IL12RB1: variants seen among roughly 807,000 people sequenced by gnomAD.
The protein encoded by IL12RB1 is interleukin 12 receptor subunit beta 1, also known as interleukin-12 receptor subunit beta-1.
Under a neutral mutation model 94.4 loss-of-function variants are expected in IL12RB1, and 64 were observed. That is an observed-to-expected ratio of 0.68 (90% CI 0.55 to 0.83). IL12RB1 has a LOEUF of 0.83. Among genes scored for constraint, IL12RB1 ranks in the 40% least tolerant of loss-of-function variants. The pLI is 0.00. For synonymous variants in IL12RB1, 362 were observed against 355.5 expected (o/e 1.02, Z -0.21); for missense variants, 814 against 855.6 (o/e 0.95, Z 0.61).
intron 7 of IL12RB1, among the ~76,000 whole-genome samples, chr19:18,075,088 C>A (rs1168892284): frequency 8.7e-5 from 13 of 150,264 alleles, no homozygotes; most frequent in Non-Finnish European, 1.8e-4. Flanking sequence ...AACAAACAAA[C>A]AAAAAAAACA....
rs531901903 is a variant in IL12RB1 at position 18,080,873 on chromosome 19, G to A, written c.368C>T (p.Thr123Ile). ...CAGGGTCACCTCAGGAGACTTCTCT[G>A]TCTGGTTCCTGGCCCAGGATTCCAC... The part of the protein sequence containing the change: ...LWVESWARNQ[T>I]EKSPEVTLQL... The change falls in exon 4 of 17, where the codon ACA becomes ATA. Residue 123 changes from threonine to isoleucine, a missense_variant. Transcript: ENST00000593993. 1.9e-6 allele frequency: 3 copies of A among 1,612,102 alleles called. No homozygotes were observed. The African/African-American group carries it at 4.0e-5, about 22-fold the overall frequency.
intron 13 of IL12RB1, among the ~76,000 whole-genome samples, chr19:18,063,513 G>T (rs903004681): frequency 6.6e-6 from 1 of 152,052 alleles, no homozygotes; most frequent in Non-Finnish European, 1.5e-5. Flanking sequence ...CCCCAACCCC[G>T]CAGTGTCAGA....
chr19:18,067,544 C>T (rs2034681432), intron 11 of IL12RB1, among the ~76,000 whole-genome samples: 1 of 152,094 alleles, frequency 6.6e-6, no homozygotes, highest in African/African-American at 2.4e-5. Context: ...TGGCTCACAC[C>T]TGTAATCCCG....
In IL12RB1 at chr19:18,086,752, G is replaced by C; in HGVS notation, c.64+8C>G. On this transcript the variant is annotated splice_region_variant and intron_variant, in intron 1 of 16. Coordinates refer to ENST00000593993, the MANE Select transcript of IL12RB1 (RefSeq NM_005535.3). The stretch of plus-strand genomic sequence containing the variant: ...GAGGAGCCGCCATGCCAGGGTCAGG[G>C]GACTCACCGCCCTGCCTGGACAGCA... 6.2e-7 allele frequency: 1 copy of C among 1,607,682 alleles called. No homozygotes were observed. The highest frequency in any genetic ancestry group is 8.5e-7 in the Non-Finnish European group (1 of 1,177,318).
chr19:18,080,778 A>T (rs559571026), intron 4 of IL12RB1, 54 bp downstream of exon 4: 1 of 1,202,428 alleles, frequency 8.3e-7, no homozygotes, highest in East Asian at 2.3e-5. Context: ...CCAGCCTTGC[A>T]GCCTGATGGC....
At chr19:18,077,788 C>T (rs763153245) in intron 4 of IL12RB1, 133 bp from the exon 5 acceptor site, 1 of 715,190 alleles carries the variant, frequency 1.4e-6, no homozygotes, top group Admixed American at 2.0e-5. Flanking sequence ...CAGGTCCCAG[C>T]TAAGCCTGGT....
At chr19:18,063,076 C>CTTTTTTTTTTTTT (rs1345434373) in intron 13 of IL12RB1, among the ~76,000 whole-genome samples, 1 of 75,188 alleles carries the variant, frequency 1.3e-5, no homozygotes, top group African/African-American at 6.5e-5. Context: ...TCTTCTTCTT[C>CTTTTTTTTTTTTT]TATTTTTTTT....
At chr19:18,065,189 CT>C (rs2034489867) in intron 12 of IL12RB1, among the ~76,000 whole-genome samples, 2 of 152,172 alleles carry the variant, frequency 1.3e-5, no homozygotes, top group South Asian at 4.1e-4. Context: ...CACTTGAACT[CT>C]TTCCTGGGGA....
chr19:18,091,317 C>A (rs1599593890), upstream of IL12RB1: 2 of 152,394 alleles, frequency 1.3e-5, 1 homozygote, highest in Non-Finnish European at 2.9e-5. Context: ...AGAAGCTCGT[C>A]TGAGATAAGT....
At chr19:18,087,028 T>C, upstream of IL12RB1, 1 of 1,036,368 alleles carries the variant, frequency 9.6e-7, no homozygotes, top group South Asian at 1.5e-5. Flanking sequence ...AGCTCCGTGG[T>C]GGTGGTGATG....
chr19:18,073,589 TG>T lies in IL12RB1; in HGVS notation c.710del (p.Pro237HisfsTer5). Reference protein sequence around the residue: ...SPVCVPPENPPQPQVRFSVEQ... With the variant: ...SPVCVPPENPXQPQVRFSVEQ... ...CCACCGAGAATCTCACCTGAGGCTG[TG>T]GGGGGTTTTCTGCAATCAGAACCAA... On this transcript the variant is annotated frameshift_variant, in exon 8 of 17. Transcript: ENST00000593993. LOFTEE classifies it high-confidence loss of function. 3 of 1,609,038 alleles carry T rather than the reference TG, an allele frequency of 1.9e-6. No individual in the cohort carries two copies. Among genetic ancestry groups the T allele is most frequent in the Non-Finnish European group, 2.6e-6 (3 of 1,176,282 alleles).
upstream of IL12RB1, chr19:18,090,731 CATT>C (rs1421286399): frequency 2.0e-5 from 3 of 151,748 alleles, no homozygotes; most frequent in Non-Finnish European, 2.9e-5. Context: ...TGTGATTAGT[CATT>C]GTTGTTGTTC....
intron 1 of IL12RB1, chr19:18,097,676 G>T (rs1348920083): frequency 2.0e-5 from 12 of 602,984 alleles, no homozygotes; most frequent in South Asian, 7.9e-5. Flanking sequence ...CGGGCTCCCC[G>T]GGAGGGGCGG....
intron 12 of IL12RB1, among the ~76,000 whole-genome samples, chr19:18,064,482 T>C (rs1233526808): frequency 1.3e-5 from 2 of 149,456 alleles, no homozygotes; most frequent in African/African-American, 4.9e-5. Flanking sequence ...CAAGATTTTT[T>C]TTTTTTTTGA....
chr19:18,059,695 G>C, intron 16 of IL12RB1, 82 bp from the exon 17 acceptor site: 1 of 772,350 alleles, frequency 1.3e-6, no homozygotes, highest in Non-Finnish European at 2.4e-6. Context: ...GATGGAATGG[G>C]CTGGGTATGC....
At chr19:18,087,869 T>C (rs1306960532), upstream of IL12RB1, among the ~76,000 whole-genome samples, 1 of 152,136 alleles carries the variant, frequency 6.6e-6, no homozygotes. Flanking sequence ...AGGAGGGCAG[T>C]GTTCTTGGAT....
intron 5 of IL12RB1, among the ~76,000 whole-genome samples, chr19:18,076,811 A>G (rs943639299): frequency 9.2e-5 from 14 of 152,248 alleles, no homozygotes; most frequent in Admixed American, 9.2e-4. Flanking sequence ...ATAAAGCAGT[A>G]AAAAATTATT....
chr19:18,071,249 G>C (rs1258157785), intron 9 of IL12RB1: 1 of 453,234 alleles, frequency 2.2e-6, no homozygotes, highest in Non-Finnish European at 4.1e-6. Flanking sequence ...GCAGATGCCT[G>C]TAATCCCAGC....
intron 12 of IL12RB1, among the ~76,000 whole-genome samples, chr19:18,064,725 CAGCCTCCCA>C (rs2034448937): frequency 6.6e-6 from 1 of 152,160 alleles, no homozygotes; most frequent in African/African-American, 2.4e-5. Flanking sequence ...CCGCCCGCCT[CAGCCTCCCA>C]AAGTGCTGGG....
Sources: allele counts gnomAD v4.1 joint callset (sites outside exome capture counted in the v4.1 genomes callset), GRCh38; gene constraint gnomAD v4.1.1; transcripts MANE v1.5; gene names NCBI Gene and HGNC (gene_info 2026-07-23, HGNC 2026-07-21).